The following DNAH14 variants were observed in gnomAD, a reference collection of about 807,000 sequenced individuals.
DNAH14 encodes the protein dynein axonemal heavy chain 14.
In DNAH14, 478 loss-of-function variants were observed where a neutral mutation model predicts 520.9. That is an observed-to-expected ratio of 0.92 (90% CI 0.85 to 0.99). The LOEUF (loss-of-function observed/expected upper bound fraction) is 0.99. DNAH14 is among the 50% of genes least tolerant of loss of function. DNAH14 has a pLI of 0.00. For missense variants in DNAH14, 4,831 were observed against 5,234.5 expected, an observed-to-expected ratio of 0.92 and a Z score of 2.38; for synonymous variants, 1,581 against 1,757.2, an observed-to-expected ratio of 0.90 and a Z score of 2.51.
In DNAH14 at chr1:225,240,613, C is replaced by A. The variant is rs2091910830; in HGVS notation, c.6539C>A (p.Pro2180Gln). The change falls in exon 43 of 86, where the codon CCA becomes CAA. Residue 2180 changes from proline (P) to glutamine (Q), a missense_variant. Transcript: ENST00000682510. ...CCCAGGGATGAAAATACATGGTATCCAGAGAAAAATCCTGATAAATTAACA... is the reference window on the plus strand; with the variant it reads ...CCCAGGGATGAAAATACATGGTATCAAGAGAAAAATCCTGATAAATTAACA... ...IEKRDENTWYPEKNPDKLTKI... is the reference protein window; with the variant it reads ...IEKRDENTWYQEKNPDKLTKI... The A allele has an allele frequency of 6.5e-7, 1 of 1,549,246 alleles. No individual in the cohort carries two copies. The highest frequency in any genetic ancestry group is 1.4e-5 in the African/African-American group (1 of 72,948).
intron 27 of DNAH14, among the ~76,000 whole-genome samples, chr1:225,127,963 TA>T (rs1212943393): frequency 6.6e-6 from 1 of 152,186 alleles, no homozygotes; most frequent in African/African-American, 2.4e-5. Flanking sequence ...CTCTTTCACT[TA>T]TGAAACTTAG....
intron 84 of DNAH14, among the ~76,000 whole-genome samples, chr1:225,393,888 A>G (rs1223142072): frequency 6.7e-6 from 1 of 149,130 alleles, no homozygotes; most frequent in Admixed American, 6.7e-5. Flanking sequence ...GCACGATCTC[A>G]GCTCACTGCA....
At chr1:224,953,611 A>G (rs1488937753) in intron 2 of DNAH14, among the ~76,000 whole-genome samples, 3 of 152,182 alleles carry the variant, frequency 2.0e-5, no homozygotes, top group African/African-American at 7.2e-5. Flanking sequence ...ACAAATAAAG[A>G]ATAAAGAACC....
Position 225,145,340 on chromosome 1 carries a change from T to C in DNAH14, c.4755T>C (p.His1585=). The C allele has an allele frequency of 1.3e-6, 2 of 1,546,400 alleles. No individual in the cohort carries two copies. The highest frequency in any genetic ancestry group is 2.4e-5 in the South Asian group (2 of 82,476). The part of the protein sequence containing the change: ...VKDLAKSLGK[H]CVVFNCFEDL... ...TTGTTTCCCAGTCCTTAGGCAAACATTGTGTGGTCTTCAACTGTTTTGAGG... is the reference window on the plus strand; with the variant it reads ...TTGTTTCCCAGTCCTTAGGCAAACACTGTGTGGTCTTCAACTGTTTTGAGG... The change falls in exon 30 of 86, where the codon CAT becomes CAC. Residue 1585 remains histidine (H), a synonymous_variant. Coordinates refer to ENST00000682510, the MANE Select transcript of DNAH14 (RefSeq NM_001367479.1).
At chr1:225,167,865 G>C (rs931176712) in intron 35 of DNAH14, 74 bp from the exon 36 acceptor site, 1 of 845,658 alleles carries the variant, frequency 1.2e-6, no homozygotes, top group Non-Finnish European at 1.8e-6. Flanking sequence ...CTAGTTAAGA[G>C]AGATTTTGGA....
intron 10 of DNAH14, among the ~76,000 whole-genome samples, chr1:225,019,194 C>T (rs1167730371): frequency 6.6e-6 from 1 of 152,046 alleles, no homozygotes; most frequent in African/African-American, 2.4e-5. Flanking sequence ...AGTAACAACA[C>T]CCATAGACTC....
chr1:225,215,934 C>T (rs1341078649), intron 41 of DNAH14, among the ~76,000 whole-genome samples: 1 of 152,136 alleles, frequency 6.6e-6, no homozygotes, highest in Non-Finnish European at 1.5e-5. Flanking sequence ...TTGATCCTGT[C>T]ATTATGATGT....
chr1:225,246,083 A>G (rs1050379630), intron 43 of DNAH14, among the ~76,000 whole-genome samples: 1 of 141,148 alleles, frequency 7.1e-6, no homozygotes, highest in Admixed American at 7.9e-5. Context: ...ATCTACAACC[A>G]TCTGATCTTC....
chr1:225,116,906 T>G (rs1333013312), intron 23 of DNAH14, among the ~76,000 whole-genome samples: 1 of 152,088 alleles, frequency 6.6e-6, no homozygotes, highest in Admixed American at 6.6e-5. Flanking sequence ...AACTGAGAGA[T>G]ACAAAGAATC....
In DNAH14 at chr1:225,086,418, G is replaced by A. The variant is rs193028738; in HGVS notation, c.3573+629G>A. Among the ~76,000 whole-genome samples, 790 of 152,128 alleles carry A rather than the reference G, an allele frequency of 5.2e-3. 2 individuals carry two copies. Among genetic ancestry groups the A allele is most frequent in the Non-Finnish European group, 8.6e-3 (584 of 68,002 alleles). The stretch of plus-strand genomic sequence containing the variant: ...CAAAGTACTGGGATTACAGGCATGA[G>A]CCACCGTGCCCGACCCCTAATAATT... On this transcript the variant is annotated intron_variant, in intron 21 of 85. Coordinates refer to ENST00000682510, the MANE Select transcript of DNAH14 (RefSeq NM_001367479.1).
intron 81 of DNAH14, among the ~76,000 whole-genome samples, chr1:225,386,153 G>A (rs1379776677): frequency 3.3e-5 from 5 of 152,182 alleles, no homozygotes; most frequent in African/African-American, 1.2e-4. Context: ...TTAATAAATG[G>A]TGCTGGGAAA....
chr1:225,125,931 T>C (rs1202903686), intron 27 of DNAH14, among the ~76,000 whole-genome samples: 1 of 152,164 alleles, frequency 6.6e-6, no homozygotes, highest in Non-Finnish European at 1.5e-5. Flanking sequence ...AGGTTATTGG[T>C]TGGCCTAAAT....
In DNAH14 at chr1:225,140,764, T is replaced by G. The variant is rs1195141740; in HGVS notation, c.4255-4T>G. 6 of 1,512,116 alleles carry G rather than the reference T, an allele frequency of 4.0e-6. No individual in the cohort carries two copies. The East Asian group carries it at 1.5e-4, about 37-fold the overall frequency. 93.7% of individuals were successfully genotyped at this position (1,512,116 alleles called of 1,614,324 possible). A position where few individuals can be genotyped will look rare whatever the true frequency, so the allele number is the denominator to read the frequency against. Reference sequence around the variant, plus strand: ...ATATATATAACATTATCTTACTTTTTCAGAGCCAGATCATGTTTTATAATG... The same window carrying G: ...ATATATATAACATTATCTTACTTTTGCAGAGCCAGATCATGTTTTATAATG... On this transcript the variant is annotated splice_region_variant and splice_polypyrimidine_tract_variant and intron_variant, in intron 27 of 85. Transcript: ENST00000682510.
chr1:225,062,534 AG>A (rs2070303279), intron 17 of DNAH14, among the ~76,000 whole-genome samples: 1 of 122,394 alleles, frequency 8.2e-6, no homozygotes, highest in African/African-American at 2.6e-5. Flanking sequence ...AGTCCTATAA[AG>A]AAGGAAGCTA....
At chr1:225,190,065 C>T (rs984459704) in intron 37 of DNAH14, among the ~76,000 whole-genome samples, 1 of 151,794 alleles carries the variant, frequency 6.6e-6, no homozygotes, top group African/African-American at 2.4e-5. Flanking sequence ...TGTATCTCCC[C>T]TTATTCATGG....
chr1:225,061,080 C>A (rs1207177137), intron 17 of DNAH14, among the ~76,000 whole-genome samples: 1 of 152,192 alleles, frequency 6.6e-6, no homozygotes, highest in Non-Finnish European at 1.5e-5. Flanking sequence ...GATTCTGCTG[C>A]CTTTTGTTTT....
At chr1:225,046,640 A>G (rs948356330) in intron 15 of DNAH14, among the ~76,000 whole-genome samples, 3 of 152,110 alleles carry the variant, frequency 2.0e-5, no homozygotes, top group African/African-American at 7.2e-5. Context: ...TTTCTGGGCT[A>G]TGCAGATGAT....
Position 225,231,164 on chromosome 1 carries a change from C to A in DNAH14, c.6518+13C>A. On this transcript the variant is annotated intron_variant, in intron 42 of 85. Coordinates refer to ENST00000682510, the MANE Select transcript of DNAH14 (RefSeq NM_001367479.1). The stretch of plus-strand genomic sequence containing the variant: ...ATATAGAAAAGAGGTCAGTTACATT[C>A]CTTCAGAAAACATGTTTTAATAACC... The A allele has an allele frequency of 6.6e-7, 1 of 1,525,852 alleles. No homozygotes were observed. The highest frequency in any genetic ancestry group is 1.3e-5 in the South Asian group (1 of 79,716). The allele number at this position is 1,525,852 out of a possible 1,614,324, so 94.5% of individuals were successfully genotyped here. A position where few individuals can be genotyped will look rare whatever the true frequency, so the allele number is the denominator to read the frequency against.
intron 60 of DNAH14, among the ~76,000 whole-genome samples, chr1:225,310,906 A>G (rs2094351432): frequency 6.6e-6 from 1 of 152,190 alleles, no homozygotes; most frequent in East Asian, 1.9e-4. Context: ...CACAATAAAC[A>G]TACGTGTGCA....
Sources: allele counts gnomAD v4.1 joint callset (sites outside exome capture counted in the v4.1 genomes callset), GRCh38; gene constraint gnomAD v4.1.1; transcripts MANE v1.5; gene names NCBI Gene and HGNC (gene_info 2026-07-23, HGNC 2026-07-21).